RPS6KB2: variants seen among roughly 807,000 people sequenced by gnomAD.
RPS6KB2 encodes ribosomal protein S6 kinase beta-2.
A neutral mutation model predicts 58.2 loss-of-function variants in RPS6KB2; 51 were observed. The ratio of observed to expected loss-of-function variants is 0.88; its 90% CI spans 0.70 to 1.11. RPS6KB2 has a LOEUF of 1.11. RPS6KB2 is among the 50% of genes least tolerant of loss of function. RPS6KB2 has a pLI of 0.00. For synonymous variants in RPS6KB2, 293 were observed against 258.6 expected (o/e 1.13, Z -1.28); for missense variants, 671 against 655.8 (o/e 1.02, Z -0.25).
intron 11 of RPS6KB2, 40 bp from the exon 12 acceptor site, chr11:67,434,158 G>T (rs753556578): frequency 3.7e-6 from 6 of 1,612,886 alleles, no homozygotes; most frequent in Non-Finnish European, 4.2e-6. Flanking sequence ...GGGCAAGCAG[G>T]GTGAGCTGTT....
In RPS6KB2 at chr11:67,433,042, T is replaced by C. The variant is rs199705384; in HGVS notation, c.707T>C (p.Met236Thr). ...ACCTTCTGCGGCACCATTGAGTACA[T>C]GTAAGTGGCACCTGGCTGGCCCAGG... ...THTFCGTIEY[M>T]APEILVRSGH... Residue 236 changes from methionine (M) to threonine (T), a missense_variant and splice_region_variant, in exon 8 of 15, where the codon ATG becomes ACG. Coordinates refer to ENST00000312629, the MANE Select transcript of RPS6KB2 (RefSeq NM_003952.3). 1,165 of 1,613,138 alleles carry C rather than the reference T, an allele frequency of 7.2e-4. 2 individuals carry two copies. Among genetic ancestry groups the C allele is most frequent in the Non-Finnish European group, 8.0e-4 (948 of 1,179,998 alleles).
At chr11:67,430,110 CTT>C (rs34190668) in intron 4 of RPS6KB2, 70 of 141,156 alleles carry the variant, frequency 5.0e-4, no homozygotes, top group South Asian at 2.2e-3. Context: ...CCGTCCCTAG[CTT>C]TTTTTTTTTT....
chr11:67,434,316 G>A (rs772551319), intron 12 of RPS6KB2, 41 bp downstream of exon 12: 4 of 1,610,994 alleles, frequency 2.5e-6, no homozygotes, highest in South Asian at 2.2e-5. Context: ...GTGGCGGGTG[G>A]CAAGTGGAGA....
At chr11:67,433,537 C>A in intron 10 of RPS6KB2, 90 bp downstream of exon 10, 2 of 1,000,310 alleles carry the variant, frequency 2.0e-6, no homozygotes, top group South Asian at 1.3e-5. Context: ...GCCAGGGCCA[C>A]CCCGGCCTGT....
intron 1 of RPS6KB2, 167 bp downstream of exon 1, chr11:67,428,790 C>T (rs1863925698): frequency 1.1e-6 from 1 of 907,314 alleles, no homozygotes; most frequent in Non-Finnish European, 1.8e-6. Flanking sequence ...TCACCCCGAC[C>T]TCTCTTCCAG....
At chr11:67,434,092 G>C in intron 11 of RPS6KB2, 35 bp downstream of exon 11, 2 of 1,613,502 alleles carry the variant, frequency 1.2e-6, no homozygotes, top group Non-Finnish European at 1.7e-6. Flanking sequence ...GTAGGGCTGA[G>C]TCTCCAAGGG....
Position 67,429,570 on chromosome 11 carries a change from T to C in RPS6KB2, c.284T>C (p.Ile95Thr), listed in dbSNP as rs754495017. 2 of 1,613,060 alleles carry C rather than the reference T, an allele frequency of 1.2e-6. No homozygotes were observed. Among genetic ancestry groups the C allele is most frequent in the Non-Finnish European group, 1.7e-6 (2 of 1,179,684 alleles). Residue 95 changes from isoleucine to threonine, a missense_variant, in exon 4 of 15, where the codon ATA (isoleucine) becomes ACA (threonine). Physicochemically the swap from Ile to Thr is moderately conservative, Grantham distance 89. Coordinates refer to ENST00000312629, the MANE Select transcript of RPS6KB2 (RefSeq NM_003952.3). ...GTGCAAGGCACCAACTTGGGCAAAATATATGCCATGAAAGTCCTAAGGAAG... is the reference window on the plus strand; with the variant it reads ...GTGCAAGGCACCAACTTGGGCAAAACATATGCCATGAAAGTCCTAAGGAAG... ...RKVQGTNLGK[I>T]YAMKVLRKAK...
At chr11:67,429,350 A>G in intron 3 of RPS6KB2, 110 bp downstream of exon 3, 1 of 1,496,964 alleles carries the variant, frequency 6.7e-7, no homozygotes, top group Admixed American at 1.8e-5. Context: ...AATGGGATTC[A>G]GAGCCAGAAA....
At chr11:67,431,751 A>G (rs1864029920) in intron 5 of RPS6KB2, 1 of 500,266 alleles carries the variant, frequency 2.0e-6, no homozygotes, top group Non-Finnish European at 3.6e-6. Flanking sequence ...GTGGATGGGC[A>G]TGGTGCGAAT....
At chr11:67,428,775 C>A in intron 1 of RPS6KB2, 152 bp downstream of exon 1, 1 of 897,924 alleles carries the variant, frequency 1.1e-6, no homozygotes, top group Non-Finnish European at 1.8e-6. Context: ...GTTCTGATCC[C>A]ACCCTCACCC....
chr11:67,431,824 C>T, intron 5 of RPS6KB2: 2 of 344,890 alleles, frequency 5.8e-6, no homozygotes, highest in Non-Finnish European at 1.1e-5. Flanking sequence ...TTGTTCTTCT[C>T]TCCCGTGTGC....
intron 10 of RPS6KB2, 47 bp downstream of exon 10, chr11:67,433,494 A>G (rs1864119598): frequency 4.9e-6 from 7 of 1,420,974 alleles, no homozygotes; most frequent in African/African-American, 1.4e-5. Flanking sequence ...GCCATTCTGC[A>G]CGTGTTCCTG....
Position 67,434,066 on chromosome 11 carries a change from G to C in RPS6KB2, c.969+9G>C, listed in dbSNP as rs1233410054. 1.2e-6 allele frequency: 2 copies of C among 1,613,868 alleles called. No homozygotes were observed. Among genetic ancestry groups the C allele is most frequent in the Non-Finnish European group, 1.7e-6 (2 of 1,179,916 alleles). On this transcript the variant is annotated intron_variant, in intron 11 of 14. Transcript: ENST00000312629. ...ATGCTGCTGATGTGCAGGTGGGTTT[G>C]GGACCACCACCAGGGGTAGGGCTGA...
chr11:67,431,717 C>T (rs888937550), intron 5 of RPS6KB2: 3 of 562,928 alleles, frequency 5.3e-6, no homozygotes, highest in African/African-American at 1.9e-5. Flanking sequence ...CCAGCACCTA[C>T]TGTGTCCCTC....
At position 67,433,005 on chromosome 11, in the gene RPS6KB2, G is replaced by A. The variant is rs777468878; in HGVS notation, c.670G>A (p.Ala224Thr). The change falls in exon 8 of 15, where the codon GCC (alanine) becomes ACC (threonine). Residue 224 changes from alanine to threonine, a missense_variant. Ala to Thr is a moderately conservative substitution (Grantham distance 58, BLOSUM62 0). Transcript: ENST00000312629. The stretch of plus-strand genomic sequence containing the variant: ...CTGCAAGGAGTCTATCCATGAGGGC[G>A]CCGTCACTCACACCTTCTGCGGCAC... ...GLCKESIHEG[A>T]VTHTFCGTIE... 8 of 1,613,372 alleles carry A rather than the reference G, an allele frequency of 5.0e-6. No homozygotes were observed. The highest frequency in any genetic ancestry group is 2.2e-5 in the East Asian group (1 of 44,886).
Position 67,428,591 on chromosome 11 carries a change from G to T in RPS6KB2, c.46G>T (p.Glu16Ter). ...GGATTTGGAGACGGAGGAAGGCAGC[G>T]AGGGCGAGGGCGAGCCAGAGCTCAG... ...DLDLETEEGS[E>*]GEGEPELSPA... The change falls in exon 1 of 15, where the codon GAG (glutamate) becomes TAG (stop). Residue 16 changes from glutamate to a stop codon, truncating the protein, a stop_gained. Transcript: ENST00000312629. LOFTEE classifies it high-confidence loss of function. The T allele has an allele frequency of 6.2e-7, 1 of 1,610,914 alleles. No homozygotes were observed. Among genetic ancestry groups the T allele is most frequent in the Non-Finnish European group, 8.5e-7 (1 of 1,179,192 alleles).
chr11:67,431,595 T>C (rs748288672), intron 5 of RPS6KB2, 80 bp downstream of exon 5: 118 of 1,452,654 alleles, frequency 8.1e-5, no homozygotes, highest in Non-Finnish European at 1.1e-4. Flanking sequence ...GGGGGGAAGC[T>C]CTTGAGAGAT....
In RPS6KB2 at chr11:67,434,605, T is replaced by C. The variant is rs1234546338; in HGVS notation, c.1179T>C (p.Ser393=). ...AGGGCTTCACATACGTGGCGCCGTC[T>C]GTCCTGGACAGCATCAAGGAGGGCT... ...AFLGFTYVAP[S]VLDSIKEGFS... The change falls in exon 14 of 15, where the codon TCT becomes TCC. Residue 393 remains serine, a synonymous_variant. Transcript: ENST00000312629. The C allele has an allele frequency of 1.9e-6, 3 of 1,608,032 alleles. No homozygotes were observed. The East Asian group carries it at 6.7e-5, about 36-fold the overall frequency.
At chr11:67,431,174 C>T (rs1221860864) in intron 4 of RPS6KB2, 194 bp from the exon 5 acceptor site, 1 of 484,244 alleles carries the variant, frequency 2.1e-6, no homozygotes, top group Non-Finnish European at 3.7e-6. Flanking sequence ...GGATTACAGG[C>T]GTGTACCATC....
Sources: allele counts gnomAD v4.1 joint callset, GRCh38; gene constraint gnomAD v4.1.1; transcripts MANE v1.5; gene names NCBI Gene and HGNC (gene_info 2026-07-23, HGNC 2026-07-21).